LIMCH1: variants seen among roughly 807,000 people sequenced by gnomAD.
LIMCH1 encodes LIM and calponin homology domains-containing protein 1.
A neutral mutation model predicts 176.5 loss-of-function variants in LIMCH1; 113 were observed. The ratio of observed to expected loss-of-function variants is 0.64; its 90% CI spans 0.55 to 0.75. LIMCH1 has a LOEUF of 0.75. Among genes scored for constraint, LIMCH1 ranks in the 30% least tolerant of loss-of-function variants. The pLI is 0.00. For missense variants in LIMCH1, 1,674 were observed against 1,814.9 expected (o/e 0.92, Z 1.41); for synonymous variants, 619 against 645.9 (o/e 0.96, Z 0.63).
chr4:41,520,216 T>TGG (rs1423588396), intron 2 of LIMCH1, among the ~76,000 whole-genome samples: 1 of 152,160 alleles, frequency 6.6e-6, no homozygotes, highest in African/African-American at 2.4e-5. Context: ...GCTTACACCT[T>TGG]GGCCATCTTG....
At chr4:41,441,762 GTC>G (rs914903860) in intron 1 of LIMCH1, among the ~76,000 whole-genome samples, 19 of 152,096 alleles carry the variant, frequency 1.2e-4, no homozygotes, top group African/African-American at 3.6e-4. Context: ...AAGATTGAAA[GTC>G]TTTTTAAGAA....
intron 1 of LIMCH1, among the ~76,000 whole-genome samples, chr4:41,483,709 G>A (rs562515508): frequency 4.4e-4 from 67 of 152,260 alleles, no homozygotes; most frequent in African/African-American, 1.6e-3. Context: ...ATAAACCTTT[G>A]TACAGGTCTT....
intron 4 of LIMCH1, chr4:41,609,755 C>T (rs1584820868): frequency 2.4e-6 from 1 of 411,338 alleles, no homozygotes; most frequent in East Asian, 7.1e-5. Context: ...GCACAAGGGA[C>T]TGAGATTCTA....
chr4:41,657,315 G>A (rs995888013), intron 18 of LIMCH1, among the ~76,000 whole-genome samples: 1 of 152,220 alleles, frequency 6.6e-6, no homozygotes, highest in East Asian at 1.9e-4. Context: ...ATCAAGGCGG[G>A]TTTGTTTGAA....
At chr4:41,445,828 T>C (rs2154144079) in intron 1 of LIMCH1, among the ~76,000 whole-genome samples, 1 of 152,340 alleles carries the variant, frequency 6.6e-6, no homozygotes, top group Admixed American at 6.5e-5. Context: ...GCAGTACCTT[T>C]CTCTTCCAGG....
chr4:41,385,476 A>AT (rs1173007249), intron 1 of LIMCH1, among the ~76,000 whole-genome samples: 2 of 152,272 alleles, frequency 1.3e-5, no homozygotes, highest in African/African-American at 4.8e-5. Flanking sequence ...TAAAAATGTA[A>AT]TTTTGTGCAT....
chr4:41,535,765 C>T (rs529921509), upstream of LIMCH1, among the ~76,000 whole-genome samples: 2 of 152,182 alleles, frequency 1.3e-5, no homozygotes, highest in Non-Finnish European at 2.9e-5. Flanking sequence ...GTCTAATATC[C>T]TCTTTCTGCA....
intron 1 of LIMCH1, among the ~76,000 whole-genome samples, chr4:41,362,463 A>G (rs770380919): frequency 6.6e-6 from 1 of 152,214 alleles, no homozygotes; most frequent in African/African-American, 2.4e-5. Context: ...GCAGAGTTGG[A>G]TAACTATTTT....
intron 26 of LIMCH1, 23 bp from the exon 27 acceptor site, chr4:41,684,374 A>T: frequency 6.2e-7 from 1 of 1,611,648 alleles, no homozygotes; most frequent in East Asian, 2.2e-5. Flanking sequence ...TCTGCTCTGA[A>T]GTATACCTCT....
At chr4:41,418,838 G>A (rs1245541486) in intron 1 of LIMCH1, 1 of 152,136 alleles carries the variant, frequency 6.6e-6, no homozygotes, top group Non-Finnish European at 1.5e-5. Flanking sequence ...TGTTGGGGAG[G>A]AAACAGTATG....
intron 1 of LIMCH1, among the ~76,000 whole-genome samples, chr4:41,550,483 C>T (rs1212591597): frequency 2.0e-5 from 3 of 152,010 alleles, no homozygotes; most frequent in African/African-American, 7.2e-5. Context: ...AATCATACAC[C>T]ACTTGGCCTG....
chr4:41,670,746 T>G (rs1225628841), intron 21 of LIMCH1: 2 of 1,535,818 alleles, frequency 1.3e-6, no homozygotes, highest in Admixed American at 3.9e-5. Flanking sequence ...GTGTTCCGCT[T>G]AGAGTTCAGA....
chr4:41,644,965 G>A (rs1206767915), intron 15 of LIMCH1, among the ~76,000 whole-genome samples: 6 of 152,180 alleles, frequency 3.9e-5, no homozygotes. Context: ...TGGTAGTAAC[G>A]ATAACAATGA....
chr4:41,697,715 G>A lies in LIMCH1; in HGVS notation c.*530G>A, dbSNP rs997458897. 6.5e-6 allele frequency: 1 copy of A among 152,950 alleles called. No homozygotes were observed. The highest frequency in any genetic ancestry group is 1.5e-5 in the Non-Finnish European group (1 of 68,608). 9.5% of individuals were successfully genotyped at this position (152,950 alleles called of 1,614,324 possible). ...AGCTATAATTTGTTTTTAATGCAAA[G>A]ACACTAGTTTGATAATATATACTGT... On this transcript the variant is annotated 3_prime_UTR_variant, in exon 32 of 32. Transcript: ENST00000503057.
chr4:41,549,301 TC>T (rs1213715829), intron 1 of LIMCH1, among the ~76,000 whole-genome samples: 3 of 152,186 alleles, frequency 2.0e-5, no homozygotes, highest in Non-Finnish European at 4.4e-5. Flanking sequence ...TTATTTCTAT[TC>T]TTTACTCTTC....
At chr4:41,427,882 G>C (rs1345440934) in intron 1 of LIMCH1, among the ~76,000 whole-genome samples, 1 of 150,380 alleles carries the variant, frequency 6.6e-6, no homozygotes, top group Non-Finnish European at 1.5e-5. Context: ...ACATTGTCTA[G>C]TCCTTAGAGC....
intron 2 of LIMCH1, among the ~76,000 whole-genome samples, chr4:41,511,110 T>G (rs2074855888): frequency 6.6e-6 from 1 of 152,170 alleles, no homozygotes; most frequent in Non-Finnish European, 1.5e-5. Flanking sequence ...CGGGGTGTGA[T>G]TCAAGTTCCT....
chr4:41,581,819 A>AAAAAAAAAAAAAAAAAAC (rs1426202604), intron 1 of LIMCH1, among the ~76,000 whole-genome samples: 4 of 150,782 alleles, frequency 2.7e-5, no homozygotes, highest in Admixed American at 2.0e-4. Flanking sequence ...AAAAAAAAAA[A>AAAAAAAAAAAAAAAAAAC]AAAAAAAAAA....
At chr4:41,537,045 C>T (rs909822029), upstream of LIMCH1, among the ~76,000 whole-genome samples, 2 of 152,058 alleles carry the variant, frequency 1.3e-5, no homozygotes, top group Non-Finnish European at 2.9e-5. Context: ...AAAAAGTTCA[C>T]TTAAAGTAGG....
Sources: gnomAD v4.1 joint callset for allele counts (sites outside exome capture counted in the v4.1 genomes callset) on GRCh38, gnomAD v4.1.1 for gene constraint, MANE v1.5 for transcripts, NCBI Gene and HGNC (gene_info 2026-07-23, HGNC 2026-07-21) for gene names.